The following DLC1 variants were observed in gnomAD, a reference collection of about 807,000 sequenced individuals.
DLC1 encodes the protein rho GTPase-activating protein 7.
DLC1 carries 54 observed loss-of-function variants against 140.3 expected under a neutral mutation model. The ratio of observed to expected loss-of-function variants is 0.38; its 90% CI spans 0.31 to 0.48. The LOEUF is 0.48. Among genes scored for constraint, DLC1 ranks in the 20% least tolerant of loss-of-function variants. The pLI, the probability that DLC1 is intolerant of heterozygous loss-of-function variation, is 0.96. For synonymous variants in DLC1, 986 were observed against 728.1 expected (o/e 1.35, Z -5.70); for missense variants, 2,536 against 1,907.0 (o/e 1.33, Z -6.14).
chr8:13,296,323 A>T (rs1270820585), intron 5 of DLC1, among the ~76,000 whole-genome samples: 1 of 152,086 alleles, frequency 6.6e-6, no homozygotes, highest in East Asian at 1.9e-4. Flanking sequence ...GGGCCCTTTC[A>T]TAAATTGTCT....
intron 5 of DLC1, among the ~76,000 whole-genome samples, chr8:13,208,962 C>G (rs1827805041): frequency 6.6e-6 from 1 of 152,112 alleles, no homozygotes; most frequent in South Asian, 2.1e-4. Context: ...GTATTCCACA[C>G]ATGACTATTT....
chr8:13,395,883 C>T (rs1370383390), intron 3 of DLC1, among the ~76,000 whole-genome samples: 2 of 151,514 alleles, frequency 1.3e-5, no homozygotes, highest in Non-Finnish European at 2.9e-5. Flanking sequence ...AGACAAACTA[C>T]ATTTTACCCT....
At chr8:13,215,730 A>G (rs1211221801) in intron 5 of DLC1, among the ~76,000 whole-genome samples, 1 of 152,136 alleles carries the variant, frequency 6.6e-6, no homozygotes, top group African/African-American at 2.4e-5. Context: ...CATAATCCAT[A>G]TTTTCTTAAG....
rs538294697 is a variant in DLC1 at position 13,528,550 on chromosome 8, G to A, written c.-125-28354C>T. 3.4e-4 allele frequency among the ~76,000 whole-genome samples: 51 copies of A among 152,062 alleles called. No individual in the cohort carries two copies. The South Asian group carries it at 6.0e-3, about 18-fold the overall frequency. On this transcript the variant is annotated intron_variant, in intron 1 of 1. Coordinates refer to the DLC1 transcript ENST00000631382. ...TTCACTACCAAAATAATCCTATTGC[G>A]GAATAAAATATAACAGAATTTCCTC...
chr8:13,474,342 G>C (rs954411127), intron 2 of DLC1, among the ~76,000 whole-genome samples: 1 of 152,196 alleles, frequency 6.6e-6, no homozygotes, highest in Non-Finnish European at 1.5e-5. Context: ...AGATTTCAGA[G>C]GATGTATGGA....
intron 5 of DLC1, among the ~76,000 whole-genome samples, chr8:13,300,940 G>A (rs1832168285): frequency 6.6e-6 from 1 of 152,162 alleles, no homozygotes. Flanking sequence ...GGAAAGTGAA[G>A]GCCTGCATGG....
intron 2 of DLC1, among the ~76,000 whole-genome samples, chr8:13,453,400 A>ATATATATATATATATATATATATTTTTT: frequency 2.6e-5 from 1 of 38,852 alleles, no homozygotes; most frequent in East Asian, 7.6e-4. Context: ...ATATATATAT[A>ATATATATATATATATATATATATTTTTT]TGTGTATATA....
chr8:13,484,575 G>C (rs905565934), intron 2 of DLC1, among the ~76,000 whole-genome samples: 2 of 152,056 alleles, frequency 1.3e-5, no homozygotes, highest in East Asian at 3.9e-4. Flanking sequence ...GGATGGAACC[G>C]AACACGAGTG....
intron 5 of DLC1, among the ~76,000 whole-genome samples, chr8:13,185,599 G>A (rs567691049): frequency 2.2e-4 from 34 of 152,110 alleles, no homozygotes; most frequent in African/African-American, 6.7e-4. Context: ...GAGCCATGGC[G>A]CCCGGCCCAG....
At chr8:13,405,287 C>G (rs560671727) in intron 2 of DLC1, among the ~76,000 whole-genome samples, 1 of 151,990 alleles carries the variant, frequency 6.6e-6, no homozygotes, top group African/African-American at 2.4e-5. Context: ...TCAACCCTTG[C>G]CTCCCTCCCT....
intron 4 of DLC1, among the ~76,000 whole-genome samples, chr8:13,384,762 T>C (rs892118883): frequency 6.6e-6 from 1 of 152,192 alleles, no homozygotes; most frequent in South Asian, 2.1e-4. Context: ...TTTTACATTT[T>C]GTTTTTGTTT....
At chr8:13,230,655 GGT>G (rs1829005756) in intron 5 of DLC1, among the ~76,000 whole-genome samples, 1 of 147,340 alleles carries the variant, frequency 6.8e-6, no homozygotes, top group Non-Finnish European at 1.5e-5. Flanking sequence ...GGAGTGTAGT[GGT>G]GTGATCTCAG....
At chr8:13,336,275 G>C (rs980675915) in intron 4 of DLC1, among the ~76,000 whole-genome samples, 4 of 151,792 alleles carry the variant, frequency 2.6e-5, no homozygotes, top group African/African-American at 9.7e-5. Flanking sequence ...GAAAGTGCTT[G>C]ACCCCAAGAC....
At chr8:13,544,197 A>ACACAC (rs61518550) in intron 1 of DLC1, among the ~76,000 whole-genome samples, 20 of 144,772 alleles carry the variant, frequency 1.4e-4, no homozygotes, top group African/African-American at 5.2e-4. Context: ...CACACACACA[A>ACACAC]ACACACACAC....
intron 5 of DLC1, among the ~76,000 whole-genome samples, chr8:13,197,163 A>G (rs1316077525): frequency 6.6e-6 from 1 of 152,186 alleles, no homozygotes. Flanking sequence ...AGTATTAATA[A>G]CATGTCATTG....
chr8:13,124,814 C>T (rs144079630), intron 5 of DLC1, among the ~76,000 whole-genome samples: 8 of 152,276 alleles, frequency 5.3e-5, no homozygotes, highest in Middle Eastern at 6.8e-3. Flanking sequence ...GTTCCATGCC[C>T]GCTGTTAATT....
At chr8:13,364,535 G>T (rs947663561) in intron 4 of DLC1, among the ~76,000 whole-genome samples, 2 of 152,116 alleles carry the variant, frequency 1.3e-5, no homozygotes, top group South Asian at 4.1e-4. Context: ...AACCTCAGGT[G>T]ATCCTCCCGC....
chr8:13,260,554 T>C (rs1236846259), intron 5 of DLC1, among the ~76,000 whole-genome samples: 2 of 152,086 alleles, frequency 1.3e-5, no homozygotes, highest in African/African-American at 4.8e-5. Flanking sequence ...ACCCATCTAC[T>C]GGAAAATGTC....
intron 2 of DLC1, among the ~76,000 whole-genome samples, chr8:13,417,059 G>A (rs1838098757): frequency 6.6e-6 from 1 of 152,058 alleles, no homozygotes; most frequent in South Asian, 2.1e-4. Context: ...TGACTGATCA[G>A]TAAACAACAG....
Sources: allele counts gnomAD v4.1 joint callset (sites outside exome capture counted in the v4.1 genomes callset), GRCh38; gene constraint gnomAD v4.1.1; transcripts MANE v1.5; gene names NCBI Gene and HGNC (gene_info 2026-07-23, HGNC 2026-07-21).